SNTG2: variants seen among roughly 807,000 people sequenced by gnomAD.
SNTG2 encodes the protein syntrophin gamma 2.
In SNTG2, 74 loss-of-function variants were observed where a neutral mutation model predicts 70.9. That is an observed-to-expected ratio of 1.04 (90% CI 0.86 to 1.27). The LOEUF is 1.27. SNTG2 is among the 50% of genes most tolerant of loss of function. SNTG2 has a pLI of 0.00. For missense variants in SNTG2, 717 were observed against 690.7 expected (o/e 1.04, Z -0.43); for synonymous variants, 278 against 273.8 (o/e 1.02, Z -0.15).
At chr2:1,152,188 G>A (rs377484220) in intron 6 of SNTG2, among the ~76,000 whole-genome samples, 2 of 152,156 alleles carry the variant, frequency 1.3e-5, no homozygotes, top group Admixed American at 1.3e-4. Flanking sequence ...GTCCACTCTC[G>A]AATTGTGTGA....
intron 6 of SNTG2, among the ~76,000 whole-genome samples, chr2:1,143,254 T>A (rs1178385019): frequency 6.6e-6 from 1 of 152,108 alleles, no homozygotes; most frequent in East Asian, 1.9e-4. Context: ...TGGGCTTGAG[T>A]TTTCAGAAGT....
chr2:1,073,647 A>G (rs985906951), intron 1 of SNTG2, among the ~76,000 whole-genome samples: 43 of 152,182 alleles, frequency 2.8e-4, no homozygotes, highest in Non-Finnish European at 6.0e-4. Flanking sequence ...TTCTTCTTTC[A>G]CACACACTAC....
intron 6 of SNTG2, among the ~76,000 whole-genome samples, chr2:1,141,023 T>G (rs1221804716): frequency 3.9e-5 from 6 of 152,176 alleles, no homozygotes; most frequent in African/African-American, 1.4e-4. Flanking sequence ...ACATCTTATG[T>G]TGGGAAAAAT....
At chr2:1,118,373 C>T (rs559603529) in intron 4 of SNTG2, among the ~76,000 whole-genome samples, 1 of 152,202 alleles carries the variant, frequency 6.6e-6, no homozygotes, top group East Asian at 1.9e-4. Context: ...CATCATTGTC[C>T]TGAATTCCTG....
chr2:1,232,426 A>T (rs979681834), intron 9 of SNTG2, among the ~76,000 whole-genome samples: 2 of 151,970 alleles, frequency 1.3e-5, no homozygotes, highest in Admixed American at 1.3e-4. Context: ...CAGCCTCCCA[A>T]GCAGCTGGGA....
intron 16 of SNTG2, among the ~76,000 whole-genome samples, chr2:1,351,653 G>A (rs191668276): frequency 2.7e-4 from 41 of 152,250 alleles, no homozygotes; most frequent in African/African-American, 3.9e-4. Context: ...GCATCCAGCC[G>A]GGCTCAACAG....
At chr2:1,311,726 C>T (rs2148254151) in intron 15 of SNTG2, among the ~76,000 whole-genome samples, 1 of 152,276 alleles carries the variant, frequency 6.6e-6, no homozygotes, top group South Asian at 2.1e-4. Context: ...CCCACATGCC[C>T]TCTTATTAGT....
Position 1,284,069 on chromosome 2 carries a change from C to T in SNTG2, c.1284+16498C>T, listed in dbSNP as rs1335845015. 2.0e-5 allele frequency among the ~76,000 whole-genome samples: 3 copies of T among 152,136 alleles called. No homozygotes were observed. In the East Asian group the frequency reaches 5.8e-4, roughly 29 times the overall value. On this transcript the variant is annotated intron_variant, in intron 14 of 16. Coordinates refer to ENST00000308624, the MANE Select transcript of SNTG2 (RefSeq NM_018968.4). ...GTATTGCTCTTGGTGCCTGTGAGCTCCTGTGAATCTCCCCCGGAAAGATGC... is the reference window on the plus strand; with the variant it reads ...GTATTGCTCTTGGTGCCTGTGAGCTTCTGTGAATCTCCCCCGGAAAGATGC...
At chr2:1,045,098 G>C (rs1299040525) in intron 1 of SNTG2, among the ~76,000 whole-genome samples, 1 of 151,868 alleles carries the variant, frequency 6.6e-6, no homozygotes, top group Non-Finnish European at 1.5e-5. Flanking sequence ...CAGGGTTTCA[G>C]TTTCTTCCTG....
chr2:1,316,429 C>A, intron 16 of SNTG2, 54 bp downstream of exon 16: 1 of 893,430 alleles, frequency 1.1e-6, no homozygotes, highest in Non-Finnish European at 1.7e-6. Flanking sequence ...TAAAGTACAG[C>A]TCAGAGGGTC....
At chr2:1,064,030 TAAAAAC>T (rs570417477) in intron 1 of SNTG2, among the ~76,000 whole-genome samples, 138 of 152,198 alleles carry the variant, frequency 9.1e-4, no homozygotes, top group South Asian at 4.4e-3. Context: ...AGAAAAATCT[TAAAAAC>T]AGAAGATTAA....
chr2:964,870 C>G (rs1034196463), intron 1 of SNTG2, among the ~76,000 whole-genome samples: 2 of 152,124 alleles, frequency 1.3e-5, no homozygotes, highest in African/African-American at 4.8e-5. Context: ...GGTGGGGTTT[C>G]TCCACCAAGG....
At chr2:1,360,653 A>AC (rs546346824) in intron 16 of SNTG2, among the ~76,000 whole-genome samples, 75 of 151,204 alleles carry the variant, frequency 5.0e-4, no homozygotes, top group African/African-American at 1.8e-3. Context: ...CAAACAAACA[A>AC]AAAAAAAGTC....
intron 16 of SNTG2, among the ~76,000 whole-genome samples, chr2:1,327,962 A>G (rs1282822037): frequency 1.3e-5 from 2 of 152,224 alleles, no homozygotes; most frequent in African/African-American, 2.4e-5. Flanking sequence ...CTGTACAGGA[A>G]GGATGATACT....
intron 4 of SNTG2, among the ~76,000 whole-genome samples, chr2:1,117,131 G>A (rs978189993): frequency 6.6e-6 from 1 of 151,824 alleles, no homozygotes; most frequent in African/African-American, 2.4e-5. Context: ...GTGTGTAGGT[G>A]CTCTGGTGCG....
At chr2:1,123,679 C>T (rs7565112) in intron 4 of SNTG2, among the ~76,000 whole-genome samples, 71,450 of 152,098 alleles carry the variant, frequency 0.47, 17,786 homozygotes, top group East Asian at 0.66. Flanking sequence ...ACCACAACCT[C>T]AGACTACAAA....
At position 1,367,435 on chromosome 2, in the gene SNTG2, C is replaced by G; in HGVS notation, c.1581C>G (p.Asp527Glu). ...KVASVDPGFM[D>E]SQSLARKYMY... ...CCTCCGTGGACCCCGGCTTCATGGA[C>G]AGTCAGAGTCTTGCCAGAAAATACA... The change falls in exon 17 of 17, where the codon GAC becomes GAG. Residue 527 changes from aspartate (D) to glutamate (E), a missense_variant. Coordinates refer to ENST00000308624, the MANE Select transcript of SNTG2 (RefSeq NM_018968.4). The G allele has an allele frequency of 5.8e-6, 9 of 1,551,696 alleles. No homozygotes were observed. Among genetic ancestry groups the G allele is most frequent in the Non-Finnish European group, 6.1e-6 (7 of 1,146,994 alleles).
chr2:1,184,716 C>T (rs1572673472), intron 8 of SNTG2, among the ~76,000 whole-genome samples: 1 of 152,126 alleles, frequency 6.6e-6, no homozygotes, highest in African/African-American at 2.4e-5. Context: ...AAATCTGCCC[C>T]CACGATTCAA....
intron 1 of SNTG2, among the ~76,000 whole-genome samples, chr2:1,037,981 G>A (rs1432737849): frequency 1.3e-5 from 2 of 152,116 alleles, no homozygotes; most frequent in Non-Finnish European, 2.9e-5. Flanking sequence ...TATGTCACAT[G>A]GTCACTCTGC....
Sources: gnomAD v4.1 joint callset for allele counts (sites outside exome capture counted in the v4.1 genomes callset) on GRCh38, gnomAD v4.1.1 for gene constraint, MANE v1.5 for transcripts, NCBI Gene and HGNC (gene_info 2026-07-23, HGNC 2026-07-21) for gene names.